Variants in ZNF470 observed in about 807,000 individuals in gnomAD.
ZNF470 encodes chondrogenesis zinc finger protein 1.
In ZNF470, 13 loss-of-function variants were observed where a neutral mutation model predicts 13.9. The ratio of observed to expected loss-of-function variants is 0.94; its 90% CI spans 0.61 to 1.49. The LOEUF (loss-of-function observed/expected upper bound fraction) is 1.49, where lower values mean the gene tolerates loss of function less well. Among genes scored for constraint, ZNF470 ranks in the 40% most tolerant of loss-of-function variants. The pLI, the probability that ZNF470 is intolerant of heterozygous loss-of-function variation, is 0.00. For missense variants in ZNF470, 929 were observed against 857.3 expected, an observed-to-expected ratio of 1.08 and a Z score of -1.04; for synonymous variants, 293 against 282.9, an observed-to-expected ratio of 1.04 and a Z score of -0.36.
Position 56,577,743 on chromosome 19 carries a change from A to G in ZNF470, c.1314A>G (p.Ser438=). Residue 438 remains serine, a synonymous_variant, in exon 6 of 6, where the codon TCA becomes TCG. Coordinates refer to ENST00000330619, the MANE Select transcript of ZNF470 (RefSeq NM_001001668.4). The part of the protein sequence containing the change: ...NVCGKAFSHG[S]SLTVHQRIHT... ...GTGGGAAGGCTTTTAGCCATGGCTC[A>G]TCTCTGACAGTACATCAGAGAATTC... The G allele has an allele frequency of 6.2e-7, 1 of 1,613,732 alleles. No homozygotes were observed. Among genetic ancestry groups the G allele is most frequent in the South Asian group, 1.1e-5 (1 of 91,074 alleles).
At chr19:56,574,075 G>A in intron 3 of ZNF470, 1 of 468,780 alleles carries the variant, frequency 2.1e-6, no homozygotes, top group Non-Finnish European at 2.8e-6. Context: ...AACATGAATA[G>A]CATTGCGTTA....
Position 56,581,452 on chromosome 19 carries a change from A to C in ZNF470, c.*2869A>C. 1 of 960,320 alleles carries C rather than the reference A, an allele frequency of 1.0e-6. No individual in the cohort carries two copies. The highest frequency in any genetic ancestry group is 1.2e-6 in the Non-Finnish European group (1 of 807,056). The allele number at this position is 960,320 out of a possible 1,614,324, so 59.5% of individuals were successfully genotyped here. On this transcript the variant is annotated 3_prime_UTR_variant, in exon 6 of 6. Transcript: ENST00000330619. The stretch of plus-strand genomic sequence containing the variant: ...GAAACCAACATATACAAAGGTAGAT[A>C]AATGTATTAGTGGCAAAAAAATTAA...
chr19:56,570,876 AG>A (rs1419897178), intron 3 of ZNF470, among the ~76,000 whole-genome samples: 19 of 152,212 alleles, frequency 1.2e-4, no homozygotes, highest in Admixed American at 8.5e-4. Flanking sequence ...TAGAAAAAAA[AG>A]TGCCCCTTCC....
chr19:56,579,134 G>T lies in ZNF470; in HGVS notation c.*551G>T. ...TGAGAATCAGCCAATTAGAACAAAA[G>T]CTTTTAGCTGGGTGCGGTGGCTCAT... On this transcript the variant is annotated 3_prime_UTR_variant, in exon 6 of 6. Coordinates refer to ENST00000330619, the MANE Select transcript of ZNF470 (RefSeq NM_001001668.4). 1.0e-6 allele frequency: 1 copy of T among 985,464 alleles called. No homozygotes were observed. Among genetic ancestry groups the T allele is most frequent in the Non-Finnish European group, 1.2e-6 (1 of 829,966 alleles). The allele number at this position is 985,464 out of a possible 1,614,324, so 61.0% of individuals were successfully genotyped here.
rs919017690 is a variant in ZNF470 at position 56,581,655 on chromosome 19, T to A, written c.*3072T>A. ...AGACCTGTATTGTAGTATAGGCCCA[T>A]AATTGTGATATCAAAAATAAAAATC... On this transcript the variant is annotated 3_prime_UTR_variant, in exon 6 of 6. Coordinates refer to ENST00000330619, the MANE Select transcript of ZNF470 (RefSeq NM_001001668.4). 22 of 960,104 alleles carry A rather than the reference T, an allele frequency of 2.3e-5. No homozygotes were observed. Among genetic ancestry groups the A allele is most frequent in the Middle Eastern group, 5.3e-4 (1 of 1,888 alleles). The allele number at this position is 960,104 out of a possible 1,614,324, so 59.5% of individuals were successfully genotyped here. A position where few individuals can be genotyped will look rare whatever the true frequency, so the allele number is the denominator to read the frequency against.
At position 56,574,639 on chromosome 19, in the gene ZNF470, T is replaced by A. The variant is rs1404077106; in HGVS notation, c.189T>A (p.Gly63=). 1 of 1,613,146 alleles carries A rather than the reference T, an allele frequency of 6.2e-7. No individual in the cohort carries two copies. The part of the protein sequence containing the change: ...LENYRNLVSV[G]LCISKPDVIS... ...TTTTATATGTCTTTTTACATGCAGG[T>A]CTTTGCATTTCTAAACCAGATGTGA... The change falls in exon 5 of 6, where the codon GGT becomes GGA. Residue 63 remains glycine (G), a splice_region_variant and synonymous_variant. Coordinates refer to ENST00000330619, the MANE Select transcript of ZNF470 (RefSeq NM_001001668.4).
chr19:56,577,591 C>T lies in ZNF470; in HGVS notation c.1162C>T (p.Arg388Ter), dbSNP rs200592589. ...GAATGCTTCTCTTATACGTCATCGG[C>T]GATATTATCATACTGGAGAGAAACC... is the stretch of plus-strand genomic sequence containing the variant. ...RQNASLIRHR[R>*]YYHTGEKPFD... is the part of the protein sequence containing the mutation. Residue 388 changes from arginine (R) to a stop codon, truncating the protein, a stop_gained, in exon 6 of 6, where the codon CGA becomes TGA. Coordinates refer to ENST00000330619, the MANE Select transcript of ZNF470 (RefSeq NM_001001668.4). LOFTEE classifies it low-confidence loss of function (END_TRUNC). 2.2e-5 allele frequency: 36 copies of T among 1,613,838 alleles called. No homozygotes were observed. The highest frequency in any genetic ancestry group is 8.3e-5 in the Admixed American group (5 of 59,966).
chr19:56,570,222 T>A, intron 2 of ZNF470, 58 bp from the exon 3 acceptor site: 1 of 1,298,998 alleles, frequency 7.7e-7, no homozygotes, highest in Non-Finnish European at 1.1e-6. Context: ...GAAGAAAGCA[T>A]TTTCAGACTT....
At chr19:56,572,947 G>A (rs1195440517) in intron 3 of ZNF470, among the ~76,000 whole-genome samples, 1 of 152,164 alleles carries the variant, frequency 6.6e-6, no homozygotes, top group Non-Finnish European at 1.5e-5. Flanking sequence ...TGAAGGAAGT[G>A]CAACAGAAAT....
rs2044534586 is a variant in ZNF470 at position 56,581,385 on chromosome 19, T to C, written c.*2802T>C. On this transcript the variant is annotated 3_prime_UTR_variant, in exon 6 of 6. Transcript: ENST00000330619. ...AGGGAATTCCATTGTTGATTACATA[T>C]CTATTGCTTTATGTATATACCCTTT... The C allele has an allele frequency of 1.0e-6, 1 of 959,062 alleles. No homozygotes were observed. The highest frequency in any genetic ancestry group is 1.8e-5 in the African/African-American group (1 of 56,716). The allele number at this position is 959,062 out of a possible 1,614,324, so 59.4% of individuals were successfully genotyped here.
intron 2 of ZNF470, among the ~76,000 whole-genome samples, chr19:56,569,743 T>C (rs995512924): frequency 6.6e-6 from 1 of 151,984 alleles, no homozygotes; most frequent in African/African-American, 2.4e-5. Context: ...GTTGACCAGA[T>C]ACCTAACTCC....
intron 3 of ZNF470, among the ~76,000 whole-genome samples, chr19:56,570,916 C>T (rs944943343): frequency 3.3e-5 from 5 of 152,146 alleles, no homozygotes; most frequent in African/African-American, 7.2e-5. Flanking sequence ...TGTAACAGGC[C>T]GCACAATATG....
chr19:56,568,131 C>T (rs2044424999), intron 1 of ZNF470, 93 bp downstream of exon 1: 1 of 985,044 alleles, frequency 1.0e-6, no homozygotes, highest in Admixed American at 6.2e-5. Flanking sequence ...GGAGGATGTC[C>T]CCCGTTTCTA....
rs117110627 is a variant in ZNF470, at chr19:56,579,825, T to C, written c.*1242T>C. The C allele has an allele frequency of 0.025, 20,590 of 831,044 alleles. 323 individuals are homozygous for C. The highest frequency in any genetic ancestry group is 0.06 in the Middle Eastern group (95 of 1,592). 51.5% of individuals were successfully genotyped at this position (831,044 alleles called of 1,614,324 possible). Reference sequence around the variant, plus strand: ...TCTCCCTAAATTGTAAATTCATTGATATTCCAGTAAAAATTTCCATATTTT... The same window carrying C: ...TCTCCCTAAATTGTAAATTCATTGACATTCCAGTAAAAATTTCCATATTTT... On this transcript the variant is annotated 3_prime_UTR_variant, in exon 6 of 6. Transcript: ENST00000330619.
intron 3 of ZNF470, among the ~76,000 whole-genome samples, chr19:56,570,718 T>TGA (rs2044446096): frequency 6.6e-6 from 1 of 152,214 alleles, no homozygotes; most frequent in Non-Finnish European, 1.5e-5. Context: ...GTCTCAGTCC[T>TGA]GATTCTCAGA....
rs746957046 is a variant in ZNF470 at position 56,576,694 on chromosome 19, C to G, written c.284-19C>G. On this transcript the variant is annotated intron_variant, in intron 5 of 5. Transcript: ENST00000330619. ...TAGCATTTAATAAAGGAGACATTTA[C>G]TTTCTTAATATCTTTCAGACTTGGA... 3.3e-5 allele frequency: 45 copies of G among 1,368,836 alleles called. No homozygotes were observed. Among genetic ancestry groups the G allele is most frequent in the Non-Finnish European group, 3.9e-5 (41 of 1,052,718 alleles). 84.8% of individuals were successfully genotyped at this position (1,368,836 alleles called of 1,614,324 possible).
chr19:56,577,518 TGGG>T lies in ZNF470; in HGVS notation c.1090_1092del (p.Gly364del). ...TAGCTCATCATCGAAGGATTCACAC[TGGG>T]AAAAGACCTTATGAATGTATTGACT... On this transcript the variant is annotated inframe_deletion, in exon 6 of 6. Coordinates refer to ENST00000330619, the MANE Select transcript of ZNF470 (RefSeq NM_001001668.4). 1 of 1,613,510 alleles carries T rather than the reference TGGG, an allele frequency of 6.2e-7. No individual in the cohort carries two copies. The highest frequency in any genetic ancestry group is 8.5e-7 in the Non-Finnish European group (1 of 1,179,572).
Position 56,579,204 on chromosome 19 carries a change from T to C in ZNF470, c.*621T>C. The C allele has an allele frequency of 1.1e-6, 1 of 950,316 alleles. No homozygotes were observed. 58.9% of individuals were successfully genotyped at this position (950,316 alleles called of 1,614,324 possible). ...TGGGAGGCTGAGGCAGGCAGATTGCTTGAGCTCAGGAGTTCGAGACCAACC... is the reference window on the plus strand; with the variant it reads ...TGGGAGGCTGAGGCAGGCAGATTGCCTGAGCTCAGGAGTTCGAGACCAACC... On this transcript the variant is annotated 3_prime_UTR_variant, in exon 6 of 6. Coordinates refer to ENST00000330619, the MANE Select transcript of ZNF470 (RefSeq NM_001001668.4).
chr19:56,578,974 T>C lies in ZNF470; in HGVS notation c.*391T>C, dbSNP rs1338695035. The stretch of plus-strand genomic sequence containing the variant: ...TAAGATTTTAGAGCAGACAGAAGAC[T>C]ACTCTCCTGGTAGAGAGGAAAGATG... On this transcript the variant is annotated 3_prime_UTR_variant, in exon 6 of 6. Coordinates refer to ENST00000330619, the MANE Select transcript of ZNF470 (RefSeq NM_001001668.4). 17 of 995,686 alleles carry C rather than the reference T, an allele frequency of 1.7e-5. No homozygotes were observed. Among genetic ancestry groups the C allele is most frequent in the Non-Finnish European group, 1.9e-5 (16 of 837,258 alleles). The allele number at this position is 995,686 out of a possible 1,614,324, so 61.7% of individuals were successfully genotyped here. A position where few individuals can be genotyped will look rare whatever the true frequency, so the allele number is the denominator to read the frequency against.
Sources: allele counts gnomAD v4.1 joint callset (sites outside exome capture counted in the v4.1 genomes callset), GRCh38; gene constraint gnomAD v4.1.1; transcripts MANE v1.5; gene names NCBI Gene and HGNC (gene_info 2026-07-23, HGNC 2026-07-21).